Variants in ZNF462 observed in about 807,000 individuals in gnomAD.
ZNF462 encodes zinc finger protein 462, also known as zinc finger PBX1-interacting protein.
A neutral mutation model predicts 201.9 loss-of-function variants in ZNF462; 10 were observed. The observed-to-expected ratio is 0.05, with a 90% CI of 0.03 to 0.08. The LOEUF (loss-of-function observed/expected upper bound fraction) is 0.08. Among genes scored for constraint, ZNF462 ranks in the 10% least tolerant of loss-of-function variants. The pLI, the probability that ZNF462 is intolerant of heterozygous loss-of-function variation, is 1.00. For synonymous variants in ZNF462, 1,227 were observed against 1,193.3 expected (o/e 1.03, Z -0.58); for missense variants, 2,523 against 3,168.3 (o/e 0.80, Z 4.89).
At chr9:106,939,421 C>T (rs967521163) in intron 7 of ZNF462, among the ~76,000 whole-genome samples, 1 of 152,144 alleles carries the variant, frequency 6.6e-6, no homozygotes, top group Non-Finnish European at 1.5e-5. Context: ...AAAGCGAATA[C>T]AGTACCAGGC....
intron 7 of ZNF462, among the ~76,000 whole-genome samples, chr9:106,958,956 A>G (rs1831705713): frequency 6.6e-6 from 1 of 152,126 alleles, no homozygotes; most frequent in African/African-American, 2.4e-5. Flanking sequence ...CTTGAAGAAT[A>G]TTGAAAAGGA....
rs549645040 is a variant in ZNF462, at chr9:106,886,918, G to A, written c.-31+23563G>A. ...TCAAGCAGAGAAGTCTGCAATAGGC[G>A]GGAGAGGGTAAATGACAGGCGGTGG... On this transcript the variant is annotated intron_variant, in intron 1 of 12. Transcript: ENST00000277225. This position sits in a 1 kb window ranked among gnomAD's most constrained non-coding sequence, Gnocchi z 4.6. Among the ~76,000 whole-genome samples, 103 of 152,120 alleles carry A rather than the reference G, an allele frequency of 6.8e-4. No individual in the cohort carries two copies. The highest frequency in any genetic ancestry group is 2.4e-3 in the African/African-American group (99 of 41,498).
chr9:106,935,677 T>C lies in ZNF462; in HGVS notation c.6235+56T>C, dbSNP rs1830602762. Reference sequence around the variant, plus strand: ...TTTAGCACTCTCTGAGTTTGAAACCTGATGATCTTTATTGAGTGAAATACT... The same window carrying C: ...TTTAGCACTCTCTGAGTTTGAAACCCGATGATCTTTATTGAGTGAAATACT... On this transcript the variant is annotated intron_variant, in intron 6 of 12. Transcript: ENST00000277225. The surrounding 1 kb of genome is among the most constrained non-coding windows in gnomAD (Gnocchi z 4.1). 1 of 1,383,356 alleles carries C rather than the reference T, an allele frequency of 7.2e-7. No individual in the cohort carries two copies. The allele number at this position is 1,383,356 out of a possible 1,614,324, so 85.7% of individuals were successfully genotyped here.
At chr9:106,863,587 G>A (rs1456462443) in intron 1 of ZNF462, among the ~76,000 whole-genome samples, 1 of 151,328 alleles carries the variant, frequency 6.6e-6, no homozygotes, top group Non-Finnish European at 1.5e-5. Flanking sequence ...AGAGGAGGAG[G>A]AGAAGCGAGG....
intron 7 of ZNF462, among the ~76,000 whole-genome samples, chr9:106,956,505 C>T (rs182708426): frequency 6.2e-4 from 95 of 152,250 alleles, no homozygotes; most frequent in Middle Eastern, 3.4e-3. Context: ...GCACTGCTGT[C>T]AACATAAAGT....
At chr9:106,951,529 A>G (rs1831347432) in intron 7 of ZNF462, among the ~76,000 whole-genome samples, 2 of 152,190 alleles carry the variant, frequency 1.3e-5, no homozygotes, top group African/African-American at 4.8e-5. Context: ...TTTTATATTA[A>G]TTATCATAAT....
chr9:106,933,153 T>G lies in ZNF462; in HGVS notation c.6116+604T>G, dbSNP rs1410381627. ...AAGAGGGGTGGTTTTAAGAACAACT[T>G]TTTGTTGCCTTTCTCTTTCAGCCGT... On this transcript the variant is annotated intron_variant, in intron 5 of 12. Coordinates refer to ENST00000277225, the MANE Select transcript of ZNF462 (RefSeq NM_021224.6). The surrounding 1 kb of genome is among the most constrained non-coding windows in gnomAD (Gnocchi z 4.3). 6.4e-6 allele frequency: 1 copy of G among 156,504 alleles called. No individual in the cohort carries two copies. The highest frequency in any genetic ancestry group is 1.9e-4 in the East Asian group (1 of 5,214). The allele number at this position is 156,504 out of a possible 1,614,324, so 9.7% of individuals were successfully genotyped here.
chr9:106,973,965 T>C (rs1826794048), intron 8 of ZNF462, among the ~76,000 whole-genome samples, 172 bp from the exon 9 acceptor site: 1 of 152,000 alleles, frequency 6.6e-6, no homozygotes, highest in African/African-American at 2.4e-5. Context: ...TCAGATTCGG[T>C]TGAGTGACCA....
In ZNF462 at chr9:106,917,033, G is replaced by C. The variant is rs1351134627; in HGVS notation, c.-30-6321G>C. On this transcript the variant is annotated intron_variant, in intron 1 of 12. Coordinates refer to ENST00000277225, the MANE Select transcript of ZNF462 (RefSeq NM_021224.6). This position sits in a 1 kb window ranked among gnomAD's most constrained non-coding sequence, Gnocchi z 4.5. ...TTTTCTACGGACAGGAGAGCTGGCA[G>C]ACTGCCTATTGGCCTGTTGGCCTCA... Among the ~76,000 whole-genome samples the C allele has an allele frequency of 6.6e-6, 1 of 152,202 alleles. No homozygotes were observed.
rs1830138468 is a variant in ZNF462, at chr9:106,925,129, A to G, written c.1217A>G (p.His406Arg). Residue 406 changes from histidine to arginine, a missense_variant, in exon 3 of 13, where the codon CAC (histidine) becomes CGC (arginine). Transcript: ENST00000277225. The surrounding 1 kb of genome is among the most constrained non-coding windows in gnomAD (Gnocchi z 7.9). ...DSENGLSAMD[H>R]QTSGLSAEQL... The stretch of plus-strand genomic sequence containing the variant: ...GAGAATGGTTTAAGTGCTATGGATC[A>G]CCAGACATCAGGCCTGTCTGCAGAG... The G allele has an allele frequency of 6.2e-7, 1 of 1,614,108 alleles. No individual in the cohort carries two copies. The highest frequency in any genetic ancestry group is 8.5e-7 in the Non-Finnish European group (1 of 1,180,056).
rs1020046015 is a variant in ZNF462 at position 106,905,050 on chromosome 9, G to T, written c.-30-18304G>T. 2.6e-5 allele frequency among the ~76,000 whole-genome samples: 4 copies of T among 152,170 alleles called. No homozygotes were observed. Among genetic ancestry groups the T allele is most frequent in the Admixed American group, 6.5e-5 (1 of 15,280 alleles). ...TTCTGGTTTCTTCTCATTTGGGTAG[G>T]CTCTGTCAGAGGGAAGGTCTATGGC... On this transcript the variant is annotated intron_variant, in intron 1 of 12. Transcript: ENST00000277225. The surrounding 1 kb of genome is among the most constrained non-coding windows in gnomAD (Gnocchi z 5.9).
chr9:106,860,849 C>T (rs1346777475), upstream of ZNF462, among the ~76,000 whole-genome samples: 2 of 152,020 alleles, frequency 1.3e-5, no homozygotes, highest in Admixed American at 6.5e-5. The surrounding 1 kb of genome is among the most constrained non-coding windows in gnomAD (Gnocchi z 7.1). Flanking sequence ...TAGGTCCCTC[C>T]GGGCACTCGG....
At chr9:106,891,057 A>G (rs1299821327) in intron 1 of ZNF462, among the ~76,000 whole-genome samples, 1 of 152,236 alleles carries the variant, frequency 6.6e-6, no homozygotes, top group Non-Finnish European at 1.5e-5. Context: ...GGTGGAACAG[A>G]AAATACACCG....
intron 1 of ZNF462, among the ~76,000 whole-genome samples, chr9:106,888,834 A>G (rs545486513): frequency 6.6e-6 from 1 of 152,238 alleles, no homozygotes; most frequent in Non-Finnish European, 1.5e-5. Flanking sequence ...TTGAAGTGCC[A>G]CCATTTATAG....
At position 107,009,506 on chromosome 9, in the gene ZNF462, C is replaced by T. The variant is rs1829796628; in HGVS notation, c.7190-39C>T. The T allele has an allele frequency of 1.9e-6, 3 of 1,612,084 alleles. No homozygotes were observed. Among genetic ancestry groups the T allele is most frequent in the African/African-American group, 1.3e-5 (1 of 74,872 alleles). ...GCTGACTTACCTATTCTGCTGATTC[C>T]CACAGCACACAGGTAACACTTCTGC... is the stretch of plus-strand genomic sequence containing the variant. On this transcript the variant is annotated intron_variant, in intron 11 of 12. Coordinates refer to ENST00000277225, the MANE Select transcript of ZNF462 (RefSeq NM_021224.6). This position sits in a 1 kb window ranked among gnomAD's most constrained non-coding sequence, Gnocchi z 6.1.
rs749174091 is a variant in ZNF462, at chr9:106,926,192, A to G, written c.2280A>G (p.Ile760Met). 1.2e-5 allele frequency: 20 copies of G among 1,614,102 alleles called. No individual in the cohort carries two copies. The South Asian group carries it at 2.0e-4, about 16-fold the overall frequency. ...CCACTTCCTTTTCTGCCCAACAGAT[A>G]TGGGTAAGAGATACCAGTGAGCCCC... Reference protein sequence around the residue: ...EVPTSFSAQQIWVRDTSEPQK... With the variant: ...EVPTSFSAQQMWVRDTSEPQK... The change falls in exon 3 of 13, where the codon ATA becomes ATG. Residue 760 changes from isoleucine to methionine, a missense_variant. Physicochemically the swap from Ile to Met is conservative, Grantham distance 10. Coordinates refer to ENST00000277225, the MANE Select transcript of ZNF462 (RefSeq NM_021224.6). This position sits in a 1 kb window ranked among gnomAD's most constrained non-coding sequence, Gnocchi z 7.9.
At chr9:106,862,894 G>A (rs1482994625), upstream of ZNF462, among the ~76,000 whole-genome samples, 1 of 151,902 alleles carries the variant, frequency 6.6e-6, no homozygotes, top group African/African-American at 2.4e-5. This position sits in a 1 kb window ranked among gnomAD's most constrained non-coding sequence, Gnocchi z 4.2. Context: ...TATTAGAAAG[G>A]CTTCGCGCAC....
Position 106,872,644 on chromosome 9 carries a change from T to C in ZNF462, c.-31+9289T>C, listed in dbSNP as rs774033535. Among the ~76,000 whole-genome samples the C allele has an allele frequency of 1.3e-5, 2 of 152,172 alleles. No homozygotes were observed. The highest frequency in any genetic ancestry group is 2.9e-5 in the Non-Finnish European group (2 of 68,038). ...TTCCAAAGTGCTACGACTACAGGCA[T>C]GAGCCACCATGCCCGGCCTCAGAAA... On this transcript the variant is annotated intron_variant, in intron 1 of 12. Coordinates refer to ENST00000277225, the MANE Select transcript of ZNF462 (RefSeq NM_021224.6). This position sits in a 1 kb window ranked among gnomAD's most constrained non-coding sequence, Gnocchi z 4.5.
Position 106,902,067 on chromosome 9 carries a change from G to A in ZNF462, c.-30-21287G>A, listed in dbSNP as rs1564086421. The stretch of plus-strand genomic sequence containing the variant: ...GCTGGCTGTGGGTTTGTCATAGATG[G>A]CTTTTATTACATTAAGGTATGTCTC... On this transcript the variant is annotated intron_variant, in intron 1 of 12. Transcript: ENST00000277225. The surrounding 1 kb of genome is among the most constrained non-coding windows in gnomAD (Gnocchi z 4.2). 6.6e-6 allele frequency among the ~76,000 whole-genome samples: 1 copy of A among 152,024 alleles called. No individual in the cohort carries two copies. The highest frequency in any genetic ancestry group is 1.5e-5 in the Non-Finnish European group (1 of 67,998).
Sources: allele counts gnomAD v4.1 joint callset (sites outside exome capture counted in the v4.1 genomes callset), GRCh38; gene constraint gnomAD v4.1.1; non-coding constraint Gnocchi (gnomAD v3.1); transcripts MANE v1.5; gene names NCBI Gene and HGNC (gene_info 2026-07-23, HGNC 2026-07-21).